The following ZNF697 variants were observed in gnomAD, a reference collection of about 807,000 sequenced individuals.
The protein encoded by ZNF697 is zinc finger protein 697.
In ZNF697, 23 loss-of-function variants were observed where a neutral mutation model predicts 32.4. The ratio of observed to expected loss-of-function variants is 0.71; its 90% CI spans 0.51 to 1.01. The LOEUF (loss-of-function observed/expected upper bound fraction) is 1.01. Among genes scored for constraint, ZNF697 ranks in the 50% least tolerant of loss-of-function variants. The pLI, the probability that ZNF697 is intolerant of heterozygous loss-of-function variation, is 0.00. For synonymous variants in ZNF697, 418 were observed against 337.2 expected, an observed-to-expected ratio of 1.24 and a Z score of -2.62; for missense variants, 930 against 794.0, an observed-to-expected ratio of 1.17 and a Z score of -2.06.
intron 1 of ZNF697, among the ~76,000 whole-genome samples, chr1:119,630,548 G>A (rs1418588070): frequency 6.6e-6 from 1 of 152,180 alleles, no homozygotes; most frequent in African/African-American, 2.4e-5. Context: ...CTGGGAAAAT[G>A]CTCAAGAGCC....
In ZNF697 at chr1:119,623,122, C is replaced by T. The variant is rs751492057; in HGVS notation, c.1221G>A (p.Lys407=). ...VKHQRVHTGE[K]PYMCSECGET... ...CGCCGCACTCGGAGCACATGTAGGG[C>T]TTCTCGCCCGTGTGCACGCGCTGGT... Residue 407 remains lysine, a synonymous_variant, in exon 3 of 3, where the codon AAG becomes AAA. Transcript: ENST00000421812. 130 of 1,591,826 alleles carry T rather than the reference C, an allele frequency of 8.2e-5. No individual in the cohort carries two copies. In the East Asian group the frequency reaches 2.9e-3, roughly 36 times the overall value.
chr1:119,622,479 C>G lies in ZNF697; in HGVS notation c.*226G>C. The G allele has an allele frequency of 1.3e-6, 1 of 781,282 alleles. No homozygotes were observed. The highest frequency in any genetic ancestry group is 3.0e-5 in the East Asian group (1 of 33,878). The allele number at this position is 781,282 out of a possible 1,614,324, so 48.4% of individuals were successfully genotyped here. A position where few individuals can be genotyped will look rare whatever the true frequency, so the allele number is the denominator to read the frequency against. The stretch of plus-strand genomic sequence containing the variant: ...TATTTAAGGAAGTCATCACCCCAAG[C>G]GCATCTCCTGAACAATTCTTCCGTG... On this transcript the variant is annotated 3_prime_UTR_variant, in exon 3 of 3. Transcript: ENST00000421812.
chr1:119,624,132 G>T lies in ZNF697; in HGVS notation c.227-16C>A. The T allele has an allele frequency of 1.3e-6, 2 of 1,539,948 alleles. No homozygotes were observed. The highest frequency in any genetic ancestry group is 1.8e-6 in the Non-Finnish European group (2 of 1,141,518). ...AGCTGCCCCTCTGCAACAGAAAAAG[G>T]TGGCAGTGGGGGATTACTATACTTG... On this transcript the variant is annotated splice_polypyrimidine_tract_variant and intron_variant, in intron 2 of 2. Coordinates refer to ENST00000421812, the MANE Select transcript of ZNF697 (RefSeq NM_001080470.2).
chr1:119,637,348 T>C (rs1570946573), intron 1 of ZNF697, among the ~76,000 whole-genome samples: 1 of 152,210 alleles, frequency 6.6e-6, no homozygotes, highest in African/African-American at 2.4e-5. Flanking sequence ...CTTTAACAGC[T>C]TTGCAGTCCC....
At chr1:119,638,515 C>A (rs1169555101) in intron 1 of ZNF697, among the ~76,000 whole-genome samples, 1 of 152,190 alleles carries the variant, frequency 6.6e-6, no homozygotes, top group Non-Finnish European at 1.5e-5. Flanking sequence ...CTTGGAAATT[C>A]TCTTTGCTTA....
In ZNF697 at chr1:119,623,225, C is replaced by T. The variant is rs1448413187; in HGVS notation, c.1118G>A (p.Arg373His). 6.4e-7 allele frequency: 1 copy of T among 1,572,928 alleles called. No homozygotes were observed. Among genetic ancestry groups the T allele is most frequent in the South Asian group, 1.1e-5 (1 of 87,436 alleles). Reference sequence around the variant, plus strand: ...GTGCGGCTTCTCGCCCGTGTGGATGCGCTGGTGGTTGGCCAGGTGCGAACG... The same window carrying T: ...GTGCGGCTTCTCGCCCGTGTGGATGTGCTGGTGGTTGGCCAGGTGCGAACG... ...VRRSHLANHQRIHTGEKPHGC... is the reference protein window; with the variant it reads ...VRRSHLANHQHIHTGEKPHGC... Residue 373 changes from arginine (R) to histidine (H), a missense_variant, in exon 3 of 3, where the codon CGC becomes CAC. Transcript: ENST00000421812.
chr1:119,645,683 G>A (rs917525565), intron 1 of ZNF697, among the ~76,000 whole-genome samples: 1 of 152,090 alleles, frequency 6.6e-6, no homozygotes, highest in African/African-American at 2.4e-5. Flanking sequence ...GAATTGTGAA[G>A]AATTTTAAAT....
chr1:119,623,055 T>C lies in ZNF697; in HGVS notation c.1288A>G (p.Thr430Ala). ...VSSHLFTHKR[T>A]HSGERPYVCR... Reference sequence around the variant, plus strand: ...ACGTAGGGCCGCTCACCCGAGTGCGTGCGCTTGTGCGTGAAGAGGTGCGAG... The same window carrying C: ...ACGTAGGGCCGCTCACCCGAGTGCGCGCGCTTGTGCGTGAAGAGGTGCGAG... Residue 430 changes from threonine (T) to alanine (A), a missense_variant, in exon 3 of 3, where the codon ACG becomes GCG. Thr to Ala is a moderately conservative substitution (Grantham distance 58). Coordinates refer to ENST00000421812, the MANE Select transcript of ZNF697 (RefSeq NM_001080470.2). 1 of 1,585,894 alleles carries C rather than the reference T, an allele frequency of 6.3e-7. No homozygotes were observed. The highest frequency in any genetic ancestry group is 8.6e-7 in the Non-Finnish European group (1 of 1,166,382).
At position 119,642,872 on chromosome 1, in the gene ZNF697, A is replaced by AG. The variant is rs201178239; in HGVS notation, c.-38+4818dup. The stretch of plus-strand genomic sequence containing the variant: ...GAAATCATTGTCAATACCTGCCTGA[A>AG]GATTTTCAAAACTAGCAAAACAAAA... On this transcript the variant is annotated intron_variant, in intron 1 of 2. Coordinates refer to ENST00000421812, the MANE Select transcript of ZNF697 (RefSeq NM_001080470.2). 9.5e-5 allele frequency among the ~76,000 whole-genome samples: 6 copies of AG among 62,992 alleles called. No homozygotes were observed. The South Asian group carries it at 2.2e-3, about 23-fold the overall frequency. The allele number at this position is 62,992 out of a possible 152,430, so 41.3% of individuals were successfully genotyped here.
rs1414935158 is a variant in ZNF697 at position 119,620,818 on chromosome 1, C to G, written c.*1887G>C. ...AAAGAGGTTCTTTACTAGAATACAACTGATCAAGTATAAATTACTAGCATC... is the reference window on the plus strand; with the variant it reads ...AAAGAGGTTCTTTACTAGAATACAAGTGATCAAGTATAAATTACTAGCATC... On this transcript the variant is annotated 3_prime_UTR_variant, in exon 3 of 3. Coordinates refer to ENST00000421812, the MANE Select transcript of ZNF697 (RefSeq NM_001080470.2). The G allele has an allele frequency of 6.6e-6, 1 of 152,618 alleles. No homozygotes were observed. Among genetic ancestry groups the G allele is most frequent in the Non-Finnish European group, 1.5e-5 (1 of 68,028 alleles). The allele number at this position is 152,618 out of a possible 1,614,324, so 9.5% of individuals were successfully genotyped here.
chr1:119,644,420 C>T (rs1476889699), intron 1 of ZNF697, among the ~76,000 whole-genome samples: 3 of 152,128 alleles, frequency 2.0e-5, no homozygotes, highest in Non-Finnish European at 4.4e-5. Context: ...CTTTTAGAAG[C>T]ACAACATTAC....
At position 119,622,003 on chromosome 1, in the gene ZNF697, A is replaced by G. The variant is rs1023814863; in HGVS notation, c.*702T>C. 10 of 152,648 alleles carry G rather than the reference A, an allele frequency of 6.6e-5. No homozygotes were observed. Among genetic ancestry groups the G allele is most frequent in the Admixed American group, 6.5e-4 (10 of 15,290 alleles). The allele number at this position is 152,648 out of a possible 1,614,324, so 9.5% of individuals were successfully genotyped here. ...GCTAGAGTATTTTCAAGGAAGTAGCAAAGAACCCGGGACAGAATCAGGATT... is the reference window on the plus strand; with the variant it reads ...GCTAGAGTATTTTCAAGGAAGTAGCGAAGAACCCGGGACAGAATCAGGATT... On this transcript the variant is annotated 3_prime_UTR_variant, in exon 3 of 3. Coordinates refer to ENST00000421812, the MANE Select transcript of ZNF697 (RefSeq NM_001080470.2).
chr1:119,622,497 C>T lies in ZNF697; in HGVS notation c.*208G>A. ...CCCCAAGCGCATCTCCTGAACAATTCTTCCGTGGAGAGGAGGCAAGTATAG... is the reference window on the plus strand; with the variant it reads ...CCCCAAGCGCATCTCCTGAACAATTTTTCCGTGGAGAGGAGGCAAGTATAG... On this transcript the variant is annotated 3_prime_UTR_variant, in exon 3 of 3. Transcript: ENST00000421812. The T allele has an allele frequency of 2.1e-6, 2 of 949,204 alleles. No homozygotes were observed. The highest frequency in any genetic ancestry group is 3.0e-6 in the Non-Finnish European group (2 of 677,316). The allele number at this position is 949,204 out of a possible 1,614,324, so 58.8% of individuals were successfully genotyped here.
intron 1 of ZNF697, among the ~76,000 whole-genome samples, chr1:119,639,715 C>CAAA (rs779242670): frequency 2.7e-5 from 3 of 110,558 alleles, no homozygotes; most frequent in East Asian, 5.0e-4. Flanking sequence ...CCTGTCTCTC[C>CAAA]AAAAAAAAAA....
rs1570936123 is a variant in ZNF697, at chr1:119,623,608, G to C, written c.735C>G (p.Gly245=). Residue 245 remains glycine (G), a synonymous_variant, in exon 3 of 3, where the codon GGC becomes GGG. Coordinates refer to ENST00000421812, the MANE Select transcript of ZNF697 (RefSeq NM_001080470.2). ...GGGCCAGCGGGGGCCCGGCCCCGAA[G>C]CCCCCCGCCACACCCACCCCCATCA... ...VGMMGVGVAG[G]FGAGPPLARP... 5 of 1,416,034 alleles carry C rather than the reference G, an allele frequency of 3.5e-6. No individual in the cohort carries two copies. Among genetic ancestry groups the C allele is most frequent in the South Asian group, 1.5e-5 (1 of 66,322 alleles). 87.7% of individuals were successfully genotyped at this position (1,416,034 alleles called of 1,614,324 possible).
chr1:119,631,104 C>A (rs1648751534), intron 1 of ZNF697, among the ~76,000 whole-genome samples: 1 of 152,238 alleles, frequency 6.6e-6, no homozygotes, highest in Non-Finnish European at 1.5e-5. Flanking sequence ...AACTCCCCCA[C>A]CAACCTGGAT....
At chr1:119,631,653 T>C (rs1648779452) in intron 1 of ZNF697, among the ~76,000 whole-genome samples, 1 of 152,116 alleles carries the variant, frequency 6.6e-6, no homozygotes, top group South Asian at 2.1e-4. Flanking sequence ...GGAGGAGTCA[T>C]GTGCCGCGGC....
chr1:119,624,791 C>T (rs1648525168), intron 2 of ZNF697, among the ~76,000 whole-genome samples: 2 of 152,056 alleles, frequency 1.3e-5, no homozygotes, highest in African/African-American at 4.8e-5. Flanking sequence ...TGGGGTTTCA[C>T]CATGTTGGTC....
chr1:119,636,610 C>A (rs951063223), intron 1 of ZNF697, among the ~76,000 whole-genome samples: 1 of 152,106 alleles, frequency 6.6e-6, no homozygotes, highest in Non-Finnish European at 1.5e-5. Context: ...GCAAATGGAA[C>A]CTGCCTGAGA....
Sources: allele counts gnomAD v4.1 joint callset (sites outside exome capture counted in the v4.1 genomes callset), GRCh38; gene constraint gnomAD v4.1.1; transcripts MANE v1.5; gene names NCBI Gene and HGNC (gene_info 2026-07-23, HGNC 2026-07-21).